Variants in ANKRD36 observed in about 807,000 individuals in gnomAD.
ANKRD36 encodes the protein ankyrin repeat domain 36.
In ANKRD36, 179 loss-of-function variants were observed where a neutral mutation model predicts 278.1. The observed-to-expected ratio is 0.64, with a 90% CI of 0.57 to 0.73. The LOEUF is 0.73. ANKRD36 is among the 30% of genes least tolerant of loss of function. ANKRD36 has a pLI of 0.00. For missense variants in ANKRD36, 1,159 were observed against 1,956.7 expected (o/e 0.59, Z 7.69); for synonymous variants, 320 against 641.1 (o/e 0.50, Z 7.57).
chr2:97,197,788 G>T (rs13402271), intron 42 of ANKRD36, among the ~76,000 whole-genome samples: 97,237 of 151,326 alleles, frequency 0.64, 31,131 homozygotes, highest in Non-Finnish European at 0.79. Context: ...TTGAGGCTAA[G>T]ATACTATCCT....
At chr2:97,183,825 C>T (rs1476863923) in intron 28 of ANKRD36, among the ~76,000 whole-genome samples, 171 bp downstream of exon 28, 14 of 151,586 alleles carry the variant, frequency 9.2e-5, no homozygotes, top group African/African-American at 2.9e-4. Context: ...TGGTCCTTGG[C>T]CATGATCTTA....
chr2:97,203,691 G>A (rs2062015114), intron 48 of ANKRD36, among the ~76,000 whole-genome samples: 1 of 151,796 alleles, frequency 6.6e-6, no homozygotes. Flanking sequence ...TTTATTTCCT[G>A]TATGAAAGAC....
chr2:97,258,934 T>G (rs1217919174), intron 75 of ANKRD36, among the ~76,000 whole-genome samples: 3 of 144,536 alleles, frequency 2.1e-5, no homozygotes, highest in Non-Finnish European at 4.5e-5. Flanking sequence ...TTTTTAGTCA[T>G]TATTTCATTA....
In ANKRD36 at chr2:97,151,937, A is replaced by G. The variant is rs1189498315; in HGVS notation, c.1160A>G (p.Asp387Gly). 1.4e-6 allele frequency: 2 copies of G among 1,453,548 alleles called. No individual in the cohort carries two copies. Among genetic ancestry groups the G allele is most frequent in the South Asian group, 1.2e-5 (1 of 80,802 alleles). 90.0% of individuals were successfully genotyped at this position (1,453,548 alleles called of 1,614,324 possible). The change falls in exon 13 of 76, where the codon GAT becomes GGT. Residue 387 changes from aspartate to glycine, a missense_variant and splice_region_variant. By Grantham distance (94) the Asp-to-Gly change is moderately conservative. Coordinates refer to ENST00000420699, the MANE Select transcript of ANKRD36 (RefSeq NM_001354587.1). ...ATTATTTCTCCACGATCTATAAAAGATGGTAAGTTATTTGAAGGCTGCCTA... is the reference window on the plus strand; with the variant it reads ...ATTATTTCTCCACGATCTATAAAAGGTGGTAAGTTATTTGAAGGCTGCCTA... The part of the protein sequence containing the change: ...RKIISPRSIK[D>G]VLPPVEEAVD...
At chr2:97,115,796 T>C (rs1382195257) in intron 1 of ANKRD36, among the ~76,000 whole-genome samples, 2 of 151,610 alleles carry the variant, frequency 1.3e-5, no homozygotes, top group Non-Finnish European at 2.9e-5. Flanking sequence ...AATTCCATTA[T>C]ACTAAAATAT....
At position 97,206,091 on chromosome 2, in the gene ANKRD36, T is replaced by C. The variant is rs1209841493; in HGVS notation, c.3119T>C (p.Leu1040Ser). ...KATSDEEDSV[L>S]SIARENKDGE... Reference sequence around the variant, plus strand: ...ACAAGTGATGAGGAAGATTCTGTTTTGAGTATAGCCAGAGAAAACAAGGAT... The same window carrying C: ...ACAAGTGATGAGGAAGATTCTGTTTCGAGTATAGCCAGAGAAAACAAGGAT... Residue 1040 changes from leucine (L) to serine (S), a missense_variant, in exon 52 of 76, where the codon TTG (leucine) becomes TCG (serine). Transcript: ENST00000420699. 9 of 1,550,158 alleles carry C rather than the reference T, an allele frequency of 5.8e-6. No individual in the cohort carries two copies. Among genetic ancestry groups the C allele is most frequent in the Admixed American group, 1.9e-5 (1 of 51,604 alleles).
At chr2:97,162,997 G>C (rs1334234362) in intron 18 of ANKRD36, among the ~76,000 whole-genome samples, 2 of 152,258 alleles carry the variant, frequency 1.3e-5, no homozygotes, top group African/African-American at 4.8e-5. Flanking sequence ...GCCGGGCACG[G>C]TGGCTCACGG....
intron 67 of ANKRD36, among the ~76,000 whole-genome samples, chr2:97,230,855 C>A (rs1342710322): frequency 1.3e-5 from 2 of 152,110 alleles, no homozygotes; most frequent in African/African-American, 4.8e-5. Flanking sequence ...TTTCCTTCTA[C>A]CAGACAGGAC....
chr2:97,145,435 G>T (rs2044018753), intron 10 of ANKRD36, among the ~76,000 whole-genome samples: 1 of 151,984 alleles, frequency 6.6e-6, no homozygotes, highest in Non-Finnish European at 1.5e-5. Context: ...TGAGATAAAT[G>T]TAAATATGCA....
chr2:97,213,141 T>G (rs2065107948), intron 58 of ANKRD36: 2 of 366,672 alleles, frequency 5.5e-6, no homozygotes, highest in Non-Finnish European at 9.9e-6. Flanking sequence ...TCCTCATCAC[T>G]TGGCATATCC....
intron 1 of ANKRD36, 32 bp downstream of exon 1, chr2:97,113,968 G>T: frequency 6.3e-7 from 1 of 1,593,064 alleles, no homozygotes; most frequent in African/African-American, 1.3e-5. Context: ...GGCTGCGGGA[G>T]GAGGCCTGTG....
intron 46 of ANKRD36, among the ~76,000 whole-genome samples, chr2:97,201,449 A>G (rs1371858841): frequency 2.0e-5 from 3 of 151,954 alleles, no homozygotes; most frequent in African/African-American, 4.8e-5. Context: ...ACTTATTAAT[A>G]TCTAATGGTT....
In ANKRD36 at chr2:97,202,228, A is replaced by C. The variant is rs780404081; in HGVS notation, c.2884A>C (p.Lys962Gln). 59 of 1,609,274 alleles carry C rather than the reference A, an allele frequency of 3.7e-5. No homozygotes were observed. Among genetic ancestry groups the C allele is most frequent in the Admixed American group, 1.7e-5 (1 of 59,666 alleles). Residue 962 changes from lysine (K) to glutamine (Q), a missense_variant and splice_region_variant, in exon 47 of 76, where the codon AAG (lysine) becomes CAG (glutamine). By Grantham distance (53) the Lys-to-Gln change is moderately conservative. Coordinates refer to ENST00000420699, the MANE Select transcript of ANKRD36 (RefSeq NM_001354587.1). The stretch of plus-strand genomic sequence containing the variant: ...GTCTTCTCAGAAACCACCAGCCTTG[A>C]AGGTAATGAAACTCCCATTTATCTT... ...KVSSQKPPALKGTSDEEDSVL... is the reference protein window; with the variant it reads ...KVSSQKPPALQGTSDEEDSVL...
chr2:97,211,801 A>G, intron 58 of ANKRD36, 60 bp downstream of exon 58: 1 of 1,492,600 alleles, frequency 6.7e-7, no homozygotes, highest in South Asian at 1.3e-5. Context: ...ACTTCTCTTC[A>G]CCAAATAAAA....
At chr2:97,163,742 ATTTTACGCAT>A (rs2049830380) in intron 18 of ANKRD36, 1 of 165,900 alleles carries the variant, frequency 6.0e-6, no homozygotes, top group African/African-American at 5.1e-5. Context: ...CACCCGGCTA[ATTTTACGCAT>A]TTTTAGTAGA....
intron 14 of ANKRD36, among the ~76,000 whole-genome samples, chr2:97,153,572 AAAT>A (rs1053196659): frequency 4.0e-4 from 60 of 148,278 alleles, no homozygotes; most frequent in African/African-American, 1.4e-3. Context: ...TGGATACAGT[AAAT>A]CAGAGAAATG....
intron 24 of ANKRD36, among the ~76,000 whole-genome samples, chr2:97,180,530 A>G (rs1403684065): frequency 2.6e-4 from 40 of 151,788 alleles, no homozygotes; most frequent in African/African-American, 8.2e-4. Context: ...TGGCTGCTCC[A>G]AGAACTACTG....
At chr2:97,140,485 G>A (rs1010138315) in intron 6 of ANKRD36, among the ~76,000 whole-genome samples, 1 of 151,870 alleles carries the variant, frequency 6.6e-6, no homozygotes, top group Non-Finnish European at 1.5e-5. Context: ...GAGGAAAATA[G>A]GTAAGATAGG....
intron 67 of ANKRD36, among the ~76,000 whole-genome samples, chr2:97,229,865 TGTGAAG>T (rs1385546102): frequency 6.6e-6 from 1 of 152,126 alleles, no homozygotes; most frequent in Non-Finnish European, 1.5e-5. Context: ...TTTGCTTGTC[TGTGAAG>T]TATTTTATTT....
Sources: allele counts gnomAD v4.1 joint callset (sites outside exome capture counted in the v4.1 genomes callset), GRCh38; gene constraint gnomAD v4.1.1; transcripts MANE v1.5; gene names NCBI Gene and HGNC (gene_info 2026-07-23, HGNC 2026-07-21).